Variants in TMCC3 observed in about 807,000 individuals in gnomAD.
The protein encoded by TMCC3 is transmembrane and coiled-coil domain family 3, also known as transmembrane and coiled-coil domain protein 3.
A neutral mutation model predicts 40.2 loss-of-function variants in TMCC3; 28 were observed. That is an observed-to-expected ratio of 0.70 (90% CI 0.52 to 0.95). The LOEUF (loss-of-function observed/expected upper bound fraction) is 0.95, where lower values mean the gene tolerates loss of function less well. Ranked by LOEUF, TMCC3 falls within the 40% of genes least tolerant of loss-of-function variation. The pLI is 0.00. For missense variants in TMCC3, 554 were observed against 615.2 expected, an observed-to-expected ratio of 0.90 and a Z score of 1.05; for synonymous variants, 255 against 248.5, an observed-to-expected ratio of 1.03 and a Z score of -0.25.
intron 1 of TMCC3, chr12:94,644,349 T>C (rs2069006856): frequency 1.0e-5 from 10 of 984,302 alleles, no homozygotes; most frequent in Middle Eastern, 5.2e-4. Flanking sequence ...CTCTTCTAAG[T>C]CAAGCTGCGG....
chr12:94,586,306 G>A (rs2068638181), intron 1 of TMCC3, among the ~76,000 whole-genome samples: 1 of 152,238 alleles, frequency 6.6e-6, no homozygotes, highest in South Asian at 2.1e-4. Context: ...AACACATTGT[G>A]TGACCAGCAG....
At chr12:94,597,124 C>CATATATATATATATATATATAT (rs869220054) in intron 1 of TMCC3, among the ~76,000 whole-genome samples, 33 of 29,784 alleles carry the variant, frequency 1.1e-3, no homozygotes, top group Admixed American at 2.0e-3. Context: ...TATTAAAATA[C>CATATATATATATATATATATAT]ATATATATAT....
intron 1 of TMCC3, among the ~76,000 whole-genome samples, chr12:94,592,831 G>A (rs4761487): frequency 0.59 from 89,111 of 151,446 alleles, 26,375 homozygotes; most frequent in African/African-American, 0.61. Context: ...ATTAGGCAGT[G>A]TTTAAGAGTC....
At chr12:94,624,817 G>C (rs769058337) in intron 1 of TMCC3, among the ~76,000 whole-genome samples, 1 of 151,938 alleles carries the variant, frequency 6.6e-6, no homozygotes, top group Non-Finnish European at 1.5e-5. Context: ...AAGAATAACT[G>C]CTAAGGGTAT....
chr12:94,636,309 A>G (rs901411376), intron 1 of TMCC3, among the ~76,000 whole-genome samples: 9 of 152,270 alleles, frequency 5.9e-5, no homozygotes, highest in African/African-American at 2.2e-4. Context: ...AAAAAATCTC[A>G]AAGTACAAAG....
intron 1 of TMCC3, among the ~76,000 whole-genome samples, chr12:94,640,754 C>G (rs2068985886): frequency 6.6e-6 from 1 of 152,204 alleles, no homozygotes; most frequent in South Asian, 2.1e-4. Flanking sequence ...CTAATGGCTG[C>G]TCACAAAGCC....
intron 2 of TMCC3, among the ~76,000 whole-genome samples, chr12:94,580,385 T>A (rs2068592916): frequency 6.6e-6 from 1 of 152,304 alleles, no homozygotes; most frequent in Admixed American, 6.5e-5. Context: ...TTTGGAAAGT[T>A]CTTTATTTTA....
At chr12:94,634,023 G>A (rs1382187544) in intron 1 of TMCC3, among the ~76,000 whole-genome samples, 3 of 150,446 alleles carry the variant, frequency 2.0e-5, no homozygotes, top group Non-Finnish European at 2.9e-5. Flanking sequence ...TCAGCTCACT[G>A]CAACCTCCGC....
intron 1 of TMCC3, among the ~76,000 whole-genome samples, chr12:94,609,196 C>T (rs1367173904): frequency 1.3e-5 from 2 of 152,034 alleles, no homozygotes; most frequent in Non-Finnish European, 2.9e-5. Flanking sequence ...CCACTACACA[C>T]CAGCCTGGGT....
chr12:94,588,910 A>G (rs1973486), intron 1 of TMCC3, among the ~76,000 whole-genome samples: 95,248 of 150,410 alleles, frequency 0.63, 30,033 homozygotes, highest in Admixed American at 0.67. Context: ...TGCAACCTCC[A>G]CCTCCTGGGT....
At chr12:94,648,150 A>C (rs10466992) in intron 1 of TMCC3, among the ~76,000 whole-genome samples, 11,275 of 152,278 alleles carry the variant, frequency 0.074, 821 homozygotes, top group African/African-American at 0.19. Context: ...TACACAGCTT[A>C]TTTAAAAATC....
At chr12:94,592,924 C>T (rs141043683) in intron 1 of TMCC3, among the ~76,000 whole-genome samples, 8 of 151,938 alleles carry the variant, frequency 5.3e-5, no homozygotes, top group African/African-American at 1.2e-4. Flanking sequence ...CGGCCAGGCG[C>T]GGTGGCTCAT....
At position 94,578,445 on chromosome 12, in the gene TMCC3, G is replaced by T; in HGVS notation, c.1080C>A (p.Ser360Arg). The T allele has an allele frequency of 6.2e-7, 1 of 1,614,114 alleles. No homozygotes were observed. Among genetic ancestry groups the T allele is most frequent in the South Asian group, 1.1e-5 (1 of 91,078 alleles). Residue 360 changes from serine to arginine, a missense_variant, in exon 3 of 4, where the codon AGC (serine) becomes AGA (arginine). Physicochemically the swap from Ser to Arg is moderately radical, Grantham distance 110. Transcript: ENST00000261226. ...ETANLKQELA[S>R]IEEKVAYQAY... is the part of the protein sequence containing the mutation. The stretch of plus-strand genomic sequence containing the variant: ...CCTGGTAGGCCACCTTCTCCTCAAT[G>T]CTGGCCAGCTCCTGCTTCAGGTTGG...
intron 1 of TMCC3, among the ~76,000 whole-genome samples, chr12:94,648,807 T>C (rs901797939): frequency 1.3e-5 from 2 of 152,250 alleles, no homozygotes; most frequent in African/African-American, 4.8e-5. Flanking sequence ...TTACTAATCT[T>C]GTTTACACAA....
intron 1 of TMCC3, among the ~76,000 whole-genome samples, chr12:94,602,475 T>C (rs997816063): frequency 6.6e-6 from 1 of 152,234 alleles, no homozygotes; most frequent in Non-Finnish European, 1.5e-5. Context: ...CCTTTAAGAA[T>C]AGGTTTTAAT....
chr12:94,635,529 CAA>C (rs2068955423), intron 1 of TMCC3, among the ~76,000 whole-genome samples: 1 of 152,072 alleles, frequency 6.6e-6, no homozygotes, highest in Non-Finnish European at 1.5e-5. Flanking sequence ...ACACTTAGTT[CAA>C]AAGAGAATTA....
At chr12:94,616,747 TAGAC>T (rs763326478) in intron 1 of TMCC3, among the ~76,000 whole-genome samples, 4 of 152,160 alleles carry the variant, frequency 2.6e-5, no homozygotes, top group Non-Finnish European at 4.4e-5. Flanking sequence ...GTGAATCAGT[TAGAC>T]AGAGAAGTAA....
chr12:94,594,212 T>C (rs199766143), intron 1 of TMCC3, among the ~76,000 whole-genome samples: 2 of 92,172 alleles, frequency 2.2e-5, no homozygotes, highest in African/African-American at 7.7e-5. Flanking sequence ...TATATATATA[T>C]ATATACACAC....
At chr12:94,599,556 A>ACCCCCCCCCCCC (rs10545928) in intron 1 of TMCC3, among the ~76,000 whole-genome samples, 2 of 69,506 alleles carry the variant, frequency 2.9e-5, no homozygotes, top group African/African-American at 5.3e-5. Context: ...TTTAAAAGAT[A>ACCCCCCCCCCCC]CCCCCCCCCC....
Sources: allele counts gnomAD v4.1 joint callset (sites outside exome capture counted in the v4.1 genomes callset), GRCh38; gene constraint gnomAD v4.1.1; transcripts MANE v1.5; gene names NCBI Gene and HGNC (gene_info 2026-07-23, HGNC 2026-07-21).